Variants in NRG1 observed in about 807,000 individuals in gnomAD.
The protein encoded by NRG1 is pro-neuregulin-1, membrane-bound isoform.
A neutral mutation model predicts 63.8 loss-of-function variants in NRG1; 18 were observed. That is an observed-to-expected ratio of 0.28 (90% CI 0.19 to 0.42). The LOEUF is 0.42. Ranked by LOEUF, NRG1 falls within the 10% of genes least tolerant of loss-of-function variation. NRG1 has a pLI of 1.00. For synonymous variants in NRG1, 302 were observed against 301.3 expected (o/e 1.00, Z -0.02); for missense variants, 762 against 814.7 (o/e 0.94, Z 0.79).
chr8:32,219,803 A>G (rs1266619528), intron 1 of NRG1, among the ~76,000 whole-genome samples: 1 of 152,198 alleles, frequency 6.6e-6, no homozygotes, highest in African/African-American at 2.4e-5. Context: ...CTAGTAGTCA[A>G]AGCCATGTCT....
intron 1 of NRG1, among the ~76,000 whole-genome samples, chr8:31,984,494 T>G (rs1809706469): frequency 6.6e-6 from 1 of 152,000 alleles, no homozygotes; most frequent in Non-Finnish European, 1.5e-5. Context: ...TGAGGCACAG[T>G]AGAGAAAATA....
At chr8:32,719,696 G>T (rs577986797) in intron 5 of NRG1, among the ~76,000 whole-genome samples, 2 of 151,964 alleles carry the variant, frequency 1.3e-5, no homozygotes, top group Non-Finnish European at 2.9e-5. Flanking sequence ...GTTGATATTC[G>T]AATTTTTCTC....
rs1229741338 is a variant in NRG1, at chr8:31,640,685, G to A, written c.37+1254G>A. The stretch of plus-strand genomic sequence containing the variant: ...TCTTTCCCCCCTCTGGAGACGGGCC[G>A]GAACCTCAAGAAGGAGGTCAGCCGG... On this transcript the variant is annotated intron_variant, in intron 1 of 10. Transcript: ENST00000519301. The surrounding 1 kb of genome is among the most constrained non-coding windows in gnomAD (Gnocchi z 6.3). The A allele has an allele frequency of 1.2e-6, 2 of 1,606,046 alleles. No homozygotes were observed. The highest frequency in any genetic ancestry group is 4.5e-5 in the East Asian group (2 of 44,328).
chr8:32,481,863 C>A (rs1263623899), intron 1 of NRG1, among the ~76,000 whole-genome samples: 1 of 152,052 alleles, frequency 6.6e-6, no homozygotes, highest in African/African-American at 2.4e-5. Flanking sequence ...TGAATGGTGC[C>A]AGTGTAAGTA....
At chr8:32,714,821 C>G (rs1009623286) in intron 5 of NRG1, among the ~76,000 whole-genome samples, 1 of 152,168 alleles carries the variant, frequency 6.6e-6, no homozygotes, top group African/African-American at 2.4e-5. Flanking sequence ...CACACAAGCT[C>G]AAGCGCGTGC....
chr8:32,216,653 A>G (rs1845258191), intron 1 of NRG1, among the ~76,000 whole-genome samples: 1 of 149,854 alleles, frequency 6.7e-6, no homozygotes. Context: ...TAGGAGCACA[A>G]TAGAAATGCT....
At chr8:32,518,349 CAG>C (rs1347413113) in intron 1 of NRG1, among the ~76,000 whole-genome samples, 2 of 152,118 alleles carry the variant, frequency 1.3e-5, no homozygotes, top group Non-Finnish European at 2.9e-5. Flanking sequence ...GCCCAGTGCC[CAG>C]AGCAGATAGA....
intron 1 of NRG1, among the ~76,000 whole-genome samples, chr8:32,470,909 C>T (rs999620719): frequency 1.5e-4 from 23 of 152,116 alleles, no homozygotes; most frequent in East Asian, 3.9e-4. Flanking sequence ...GCTATTTTCC[C>T]GCCTTACCTT....
intron 1 of NRG1, among the ~76,000 whole-genome samples, chr8:32,541,085 A>G (rs1588176022): frequency 6.6e-6 from 1 of 152,184 alleles, no homozygotes; most frequent in Admixed American, 6.6e-5. Context: ...TCCCAAACAT[A>G]TAGTGTGTTG....
upstream of NRG1, among the ~76,000 whole-genome samples, chr8:32,545,759 A>T (rs1316450180): frequency 6.6e-6 from 1 of 152,206 alleles, no homozygotes; most frequent in Admixed American, 6.5e-5. Flanking sequence ...TTTAGAAAAA[A>T]ACCTTTTTGG....
chr8:31,961,187 C>G (rs1805395299), intron 1 of NRG1, among the ~76,000 whole-genome samples: 1 of 152,188 alleles, frequency 6.6e-6, no homozygotes, highest in South Asian at 2.1e-4. Context: ...TTGGAAGTCA[C>G]TGTAAATCGA....
chr8:31,867,708 T>G (rs61231773), intron 1 of NRG1, among the ~76,000 whole-genome samples: 22,901 of 151,970 alleles, frequency 0.15, 2,050 homozygotes, highest in Non-Finnish European at 0.19. Context: ...AATCAGCACA[T>G]TTTTCTGGTT....
chr8:32,271,002 G>T (rs1184515436), intron 1 of NRG1, among the ~76,000 whole-genome samples: 1 of 152,150 alleles, frequency 6.6e-6, no homozygotes, highest in Non-Finnish European at 1.5e-5. Flanking sequence ...TTGGGGCTAA[G>T]ACTAGTTCCA....
At chr8:32,389,411 T>G (rs943238034) in intron 1 of NRG1, among the ~76,000 whole-genome samples, 21 of 152,320 alleles carry the variant, frequency 1.4e-4, no homozygotes, top group African/African-American at 5.1e-4. Context: ...TATAGCATAT[T>G]AAGAAGATAT....
At chr8:31,875,887 G>C in intron 1 of NRG1, among the ~76,000 whole-genome samples, 1 of 152,178 alleles carries the variant, frequency 6.6e-6, no homozygotes, top group Non-Finnish European at 1.5e-5. Context: ...AAAAAAAGTT[G>C]CTGTGTTTCC....
At chr8:32,067,764 G>T (rs1825101164) in intron 1 of NRG1, among the ~76,000 whole-genome samples, 1 of 152,002 alleles carries the variant, frequency 6.6e-6, no homozygotes, top group Admixed American at 6.6e-5. Context: ...CATTAACTAT[G>T]TCTTATATAT....
intron 1 of NRG1, among the ~76,000 whole-genome samples, chr8:32,159,240 A>G (rs746775203): frequency 7.9e-4 from 121 of 152,360 alleles, no homozygotes; most frequent in Non-Finnish European, 1.3e-3. Flanking sequence ...TTTTTGTTTT[A>G]AGAAAAAGGC....
At chr8:31,846,168 G>C (rs1159198072) in intron 1 of NRG1, among the ~76,000 whole-genome samples, 2 of 152,154 alleles carry the variant, frequency 1.3e-5, no homozygotes, top group Non-Finnish European at 2.9e-5. Flanking sequence ...CTAGTTATAG[G>C]CAGGAAATTC....
At chr8:32,555,468 A>C (rs760951417) in intron 1 of NRG1, among the ~76,000 whole-genome samples, 8 of 152,118 alleles carry the variant, frequency 5.3e-5, no homozygotes, top group Non-Finnish European at 1.2e-4. Flanking sequence ...TCATGGGCTG[A>C]TTTTATTTAT....
Sources: gnomAD v4.1 joint callset for allele counts (sites outside exome capture counted in the v4.1 genomes callset) on GRCh38, gnomAD v4.1.1 for gene constraint, Gnocchi (gnomAD v3.1) non-coding constraint, MANE v1.5 for transcripts, NCBI Gene and HGNC (gene_info 2026-07-23, HGNC 2026-07-21) for gene names.